The following GOLIM4 variants were observed in gnomAD, a reference collection of about 807,000 sequenced individuals.
GOLIM4 encodes the protein golgi integral membrane protein 4.
GOLIM4 carries 71 observed loss-of-function variants against 107.4 expected under a neutral mutation model. The ratio of observed to expected loss-of-function variants is 0.66; its 90% confidence interval spans 0.55 to 0.81. The LOEUF is 0.81. Among genes scored for constraint, GOLIM4 ranks in the 30% least tolerant of loss-of-function variants. The pLI is 0.00. For missense variants in GOLIM4, 830 were observed against 826.1 expected (o/e 1.00, Z -0.06); for synonymous variants, 327 against 294.8 (o/e 1.11, Z -1.12).
intron 14 of GOLIM4, among the ~76,000 whole-genome samples, chr3:168,014,168 G>A (rs1717228147): frequency 6.6e-6 from 1 of 150,840 alleles, no homozygotes; most frequent in Non-Finnish European, 1.5e-5. Flanking sequence ...AAAAAAGAGA[G>A]AAGAATCTAA....
intron 1 of GOLIM4, among the ~76,000 whole-genome samples, chr3:168,061,956 C>T (rs894509846): frequency 2.0e-5 from 3 of 152,178 alleles, no homozygotes; most frequent in Non-Finnish European, 1.5e-5. Context: ...ACTTATGATT[C>T]GTGTACTTTT....
intron 14 of GOLIM4, among the ~76,000 whole-genome samples, chr3:168,023,697 A>G (rs1029372329): frequency 2.6e-5 from 4 of 152,206 alleles, no homozygotes; most frequent in Admixed American, 1.3e-4. Context: ...TTTGGGAACT[A>G]CTTACTGGTC....
At chr3:168,056,923 G>A (rs558532256) in intron 1 of GOLIM4, among the ~76,000 whole-genome samples, 27 of 152,188 alleles carry the variant, frequency 1.8e-4, no homozygotes, top group African/African-American at 3.9e-4. Context: ...GGGGACTGTC[G>A]GGAAAGCATA....
In GOLIM4 at chr3:168,010,436, AAAG is replaced by A; in HGVS notation, c.1942-21_1942-19del. ...TCATCAGTCTTAAAATTAAAAGAAA[AAAG>A]AAAAACTAAGAGATAGTATAGAGTT... On this transcript the variant is annotated intron_variant, in intron 15 of 15. Coordinates refer to ENST00000470487, the MANE Select transcript of GOLIM4 (RefSeq NM_014498.5). 1 of 1,505,872 alleles carries A rather than the reference AAAG, an allele frequency of 6.6e-7. No individual in the cohort carries two copies. The highest frequency in any genetic ancestry group is 9.2e-7 in the Non-Finnish European group (1 of 1,088,828). 93.3% of individuals were successfully genotyped at this position (1,505,872 alleles called of 1,614,324 possible). A position where few individuals can be genotyped will look rare whatever the true frequency, so the allele number is the denominator to read the frequency against.
intron 14 of GOLIM4, among the ~76,000 whole-genome samples, chr3:168,015,432 G>A (rs1717307957): frequency 7.3e-6 from 1 of 136,866 alleles, no homozygotes; most frequent in Non-Finnish European, 1.5e-5. Flanking sequence ...TCATGGGTAG[G>A]AAGAATCAAT....
chr3:168,016,851 A>G (rs1187360887), intron 14 of GOLIM4, among the ~76,000 whole-genome samples: 1 of 140,964 alleles, frequency 7.1e-6, no homozygotes, highest in East Asian at 2.0e-4. Context: ...ATGAGATCAC[A>G]TGGACACAGG....
At chr3:168,017,366 C>G (rs577375223) in intron 14 of GOLIM4, among the ~76,000 whole-genome samples, 2 of 152,182 alleles carry the variant, frequency 1.3e-5, no homozygotes, top group East Asian at 3.9e-4. Flanking sequence ...TGGTGCACGC[C>G]TGTAGTCTCA....
chr3:168,088,927 A>G (rs1721759240), intron 1 of GOLIM4, among the ~76,000 whole-genome samples: 1 of 152,258 alleles, frequency 6.6e-6, no homozygotes, highest in Non-Finnish European at 1.5e-5. Context: ...AAAGGCTCCC[A>G]GATAACAAGT....
chr3:168,012,223 C>A (rs1320980329), intron 14 of GOLIM4, among the ~76,000 whole-genome samples: 2 of 131,540 alleles, frequency 1.5e-5, no homozygotes, highest in South Asian at 2.1e-4. Context: ...AACCAAGGCT[C>A]GAGAACTACA....
At chr3:168,035,037 C>CA (rs796736692) in intron 8 of GOLIM4, among the ~76,000 whole-genome samples, 1,559 of 66,530 alleles carry the variant, frequency 0.023, 11 homozygotes, top group Middle Eastern at 0.14. Context: ...AACAATCATA[C>CA]AAAAAAAAAA....
Position 168,043,530 on chromosome 3 carries a change from CT to C in GOLIM4, c.367-2del. On this transcript the variant is annotated splice_acceptor_variant, in intron 4 of 15. Coordinates refer to ENST00000470487, the MANE Select transcript of GOLIM4 (RefSeq NM_014498.5). LOFTEE classifies it high-confidence loss of function. ...GTTTCTTTAGCTCCTCGTGTTGGCT[CT>C]GCAAAGATGAAAACTTGAGTAGAAA... The C allele has an allele frequency of 6.3e-7, 1 of 1,597,528 alleles. No homozygotes were observed. Among genetic ancestry groups the C allele is most frequent in the Non-Finnish European group, 8.5e-7 (1 of 1,175,510 alleles).
chr3:168,029,492 G>T (rs1167101177), intron 10 of GOLIM4, among the ~76,000 whole-genome samples, 190 bp from the exon 11 acceptor site: 4 of 151,474 alleles, frequency 2.6e-5, no homozygotes, highest in Non-Finnish European at 5.9e-5. Flanking sequence ...ACTTTCAAAA[G>T]GTATCTTAAA....
At chr3:168,083,680 TA>T (rs1189021639) in intron 1 of GOLIM4, among the ~76,000 whole-genome samples, 1 of 152,196 alleles carries the variant, frequency 6.6e-6, no homozygotes, top group East Asian at 1.9e-4. Context: ...CAGTGGTTGG[TA>T]CCCAGCAAGT....
chr3:168,052,019 T>C (rs1042880624), intron 1 of GOLIM4, among the ~76,000 whole-genome samples: 6 of 152,144 alleles, frequency 3.9e-5, no homozygotes, highest in Non-Finnish European at 7.4e-5. Context: ...CAGGTGCTAA[T>C]ATAAGGGCTG....
chr3:168,027,952 G>A (rs1718100056), intron 11 of GOLIM4, 115 bp from the exon 12 acceptor site: 5 of 697,334 alleles, frequency 7.2e-6, no homozygotes, highest in Non-Finnish European at 1.0e-5. Flanking sequence ...CTCCACCTCT[G>A]TTAACTCAAC....
rs751520525 is a variant in GOLIM4 at position 168,046,924 on chromosome 3, A to G, written c.312+26T>C. ...GAAAACAAATTAAGGAAAACAAACA[A>G]CCACAACAAAAAAAACAAAACTTAC... On this transcript the variant is annotated intron_variant, in intron 3 of 15. Transcript: ENST00000470487. The G allele has an allele frequency of 2.4e-6, 3 of 1,228,200 alleles. No homozygotes were observed. In the African/African-American group the frequency reaches 4.8e-5, roughly 20 times the overall value. 76.1% of individuals were successfully genotyped at this position (1,228,200 alleles called of 1,614,324 possible). A position where few individuals can be genotyped will look rare whatever the true frequency, so the allele number is the denominator to read the frequency against.
chr3:168,034,048 A>G (rs1718502481), intron 8 of GOLIM4, among the ~76,000 whole-genome samples: 2 of 152,196 alleles, frequency 1.3e-5, no homozygotes, highest in African/African-American at 4.8e-5. Context: ...CTATTCTTAA[A>G]TTAGCAGAGA....
intron 1 of GOLIM4, among the ~76,000 whole-genome samples, chr3:168,050,709 T>C (rs1177318863): frequency 6.6e-6 from 1 of 151,956 alleles, no homozygotes; most frequent in Non-Finnish European, 1.5e-5. Context: ...TATTATAGAC[T>C]GAATTTCAGC....
chr3:168,051,351 A>G lies in GOLIM4; in HGVS notation c.188-2986T>C, dbSNP rs1719635080. On this transcript the variant is annotated intron_variant, in intron 1 of 15. Coordinates refer to ENST00000470487, the MANE Select transcript of GOLIM4 (RefSeq NM_014498.5). ...ACTGAATCATACAACTGTCTTTGAC[A>G]GTTCCACACTAAATGGAAATTTACA... Among the ~76,000 whole-genome samples the G allele has an allele frequency of 2.0e-5, 3 of 152,218 alleles. No homozygotes were observed. In the South Asian group the frequency reaches 6.2e-4, roughly 32 times the overall value.
Sources: gnomAD v4.1 joint callset for allele counts (sites outside exome capture counted in the v4.1 genomes callset) on GRCh38, gnomAD v4.1.1 for gene constraint, MANE v1.5 for transcripts, NCBI Gene and HGNC (gene_info 2026-07-23, HGNC 2026-07-21) for gene names.